Variants in SHISA9 observed in about 807,000 individuals in gnomAD.
SHISA9 encodes protein shisa-9.
A neutral mutation model predicts 38.0 loss-of-function variants in SHISA9; 13 were observed. The ratio of observed to expected loss-of-function variants is 0.34; its 90% CI spans 0.22 to 0.54. SHISA9 has a LOEUF of 0.54. Among genes scored for constraint, SHISA9 ranks in the 20% least tolerant of loss-of-function variants. The pLI is 0.91. For missense variants in SHISA9, 538 were observed against 575.8 expected, an observed-to-expected ratio of 0.93 and a Z score of 0.67; for synonymous variants, 275 against 242.0, an observed-to-expected ratio of 1.14 and a Z score of -1.27.
At chr16:13,448,184 A>G in the SHISA9 span, among the ~76,000 whole-genome samples, 1 of 152,028 alleles carries the variant, frequency 6.6e-6, no homozygotes, top group East Asian at 1.9e-4. Flanking sequence ...TTGGAGAAAA[A>G]TTTTCATTGG....
At chr16:13,500,205 C>A in the SHISA9 span, among the ~76,000 whole-genome samples, 5 of 152,192 alleles carry the variant, frequency 3.3e-5, no homozygotes, top group Non-Finnish European at 5.9e-5. Context: ...GCTCTTCCCC[C>A]TTTGCTGCTC....
At chr16:12,999,160 C>T (rs548391145) in intron 2 of SHISA9, among the ~76,000 whole-genome samples, 2 of 152,308 alleles carry the variant, frequency 1.3e-5, no homozygotes, top group East Asian at 3.9e-4. Flanking sequence ...AGGCACATCA[C>T]AGCCTTCTCA....
chr16:13,110,242 G>C (rs962765460), intron 2 of SHISA9, among the ~76,000 whole-genome samples: 2 of 152,100 alleles, frequency 1.3e-5, no homozygotes, highest in African/African-American at 2.4e-5. Flanking sequence ...GAGCATTTCC[G>C]CCTACTAGTC....
the SHISA9 span, among the ~76,000 whole-genome samples, chr16:13,395,242 T>A: frequency 2.0e-4 from 31 of 152,178 alleles, no homozygotes; most frequent in African/African-American, 7.2e-4. Flanking sequence ...TGTTGCCACA[T>A]GTCATGGAAA....
At chr16:13,434,417 A>ATTTTTTTTTTTTTTTTTTT in the SHISA9 span, among the ~76,000 whole-genome samples, 2 of 41,794 alleles carry the variant, frequency 4.8e-5, no homozygotes, top group Admixed American at 3.5e-4. Flanking sequence ...TAGACAAGCT[A>ATTTTTTTTTTTTTTTTTTT]TGTTTTTTTT....
chr16:13,462,476 G>A, the SHISA9 span, among the ~76,000 whole-genome samples: 1 of 152,074 alleles, frequency 6.6e-6, no homozygotes, highest in Non-Finnish European at 1.5e-5. Flanking sequence ...ATTATGTCTC[G>A]TTAATGAGCT....
intron 2 of SHISA9, among the ~76,000 whole-genome samples, chr16:13,028,166 A>G (rs1364758429): frequency 1.3e-5 from 2 of 152,186 alleles, no homozygotes; most frequent in African/African-American, 4.8e-5. Flanking sequence ...GTCAAAATTG[A>G]TCAAACTGTG....
At chr16:13,365,178 T>C in the SHISA9 span, among the ~76,000 whole-genome samples, 2 of 152,154 alleles carry the variant, frequency 1.3e-5, no homozygotes, top group South Asian at 4.1e-4. Flanking sequence ...CATCACCTCA[T>C]GGAGATTTAA....
the SHISA9 span, among the ~76,000 whole-genome samples, chr16:13,495,587 C>G: frequency 6.6e-6 from 1 of 151,974 alleles, no homozygotes; most frequent in Non-Finnish European, 1.5e-5. Flanking sequence ...ACTTCCAAAA[C>G]TTTCTGCAGT....
chr16:13,175,810 C>T (rs1162226367), intron 2 of SHISA9, among the ~76,000 whole-genome samples: 1 of 152,176 alleles, frequency 6.6e-6, no homozygotes, highest in Non-Finnish European at 1.5e-5. Context: ...TATGCCCCCC[C>T]ACACTTTCAC....
intron 2 of SHISA9, among the ~76,000 whole-genome samples, chr16:12,936,220 C>T (rs1425188457): frequency 1.3e-5 from 2 of 152,160 alleles, no homozygotes; most frequent in South Asian, 2.1e-4. Context: ...ACAGCTGCCA[C>T]CACCTTACCC....
the SHISA9 span, among the ~76,000 whole-genome samples, chr16:13,366,982 CAAAAAA>C: frequency 6.5e-5 from 6 of 92,534 alleles, no homozygotes; most frequent in Admixed American, 5.7e-4. Context: ...GGCTCCATCT[CAAAAAA>C]AAAAAAAAAA....
chr16:13,099,142 C>G (rs529973514), intron 2 of SHISA9, among the ~76,000 whole-genome samples: 1 of 152,244 alleles, frequency 6.6e-6, no homozygotes, highest in Non-Finnish European at 1.5e-5. Context: ...CATGTCAATT[C>G]ACTGACCGAT....
At chr16:13,550,447 C>G in the SHISA9 span, among the ~76,000 whole-genome samples, 1 of 152,166 alleles carries the variant, frequency 6.6e-6, no homozygotes, top group Non-Finnish European at 1.5e-5. Context: ...GCAAAATGTC[C>G]TCGTCATCAT....
chr16:13,494,787 C>T, the SHISA9 span, among the ~76,000 whole-genome samples: 1 of 152,040 alleles, frequency 6.6e-6, no homozygotes, highest in African/African-American at 2.4e-5. Flanking sequence ...CCAGTGAATA[C>T]CAGAAAATCC....
the SHISA9 span, among the ~76,000 whole-genome samples, chr16:13,416,902 G>C: frequency 1.3e-5 from 2 of 152,100 alleles, no homozygotes; most frequent in African/African-American, 4.8e-5. Context: ...AAGAAAGAAA[G>C]AAAGGCAGAG....
the SHISA9 span, among the ~76,000 whole-genome samples, chr16:13,544,895 A>G: frequency 3.3e-5 from 5 of 152,236 alleles, no homozygotes; most frequent in Admixed American, 3.3e-4. Context: ...GTGTCCTGAG[A>G]TCATGCCACT....
At chr16:13,050,851 G>A (rs2073243244) in intron 2 of SHISA9, among the ~76,000 whole-genome samples, 1 of 152,134 alleles carries the variant, frequency 6.6e-6, no homozygotes, top group Non-Finnish European at 1.5e-5. Context: ...TCATCAAGAA[G>A]GGTCCACCAG....
chr16:13,191,540 C>G (rs2050885609), intron 2 of SHISA9, among the ~76,000 whole-genome samples: 1 of 152,114 alleles, frequency 6.6e-6, no homozygotes, highest in Admixed American at 6.6e-5. Context: ...TCACAGTGAC[C>G]CCATGAGGAA....
Sources: gnomAD v4.1 joint callset for allele counts (sites outside exome capture counted in the v4.1 genomes callset) on GRCh38, gnomAD v4.1.1 for gene constraint, MANE v1.5 for transcripts, NCBI Gene and HGNC (gene_info 2026-07-23, HGNC 2026-07-21) for gene names.